KDM4B: variants seen among roughly 807,000 people sequenced by gnomAD.
The protein encoded by KDM4B is lysine-specific demethylase 4B.
A neutral mutation model predicts 125.2 loss-of-function variants in KDM4B; 32 were observed. That is an observed-to-expected ratio of 0.26 (90% CI 0.19 to 0.34). The LOEUF (loss-of-function observed/expected upper bound fraction) is 0.34, where lower values mean the gene tolerates loss of function less well. Ranked by LOEUF, KDM4B falls within the 10% of genes least tolerant of loss-of-function variation. KDM4B has a pLI of 1.00. For synonymous variants in KDM4B, 721 were observed against 677.9 expected (o/e 1.06, Z -0.99); for missense variants, 1,190 against 1,577.7 (o/e 0.75, Z 4.16).
chr19:5,032,806 G>A (rs576629803), intron 2 of KDM4B, 60 bp from the exon 3 acceptor site: 20 of 1,484,804 alleles, frequency 1.3e-5, no homozygotes, highest in Non-Finnish European at 1.8e-5. Flanking sequence ...AGGGAGGACG[G>A]GCTCCAAGGG....
intron 1 of KDM4B, among the ~76,000 whole-genome samples, chr19:4,973,582 G>A (rs568245817): frequency 6.6e-6 from 1 of 152,300 alleles, no homozygotes; most frequent in African/African-American, 2.4e-5. Flanking sequence ...ACTGAGGGGG[G>A]AGTGGATTGA....
At chr19:5,041,968 T>A (rs1279783318) in intron 5 of KDM4B, among the ~76,000 whole-genome samples, 1 of 152,210 alleles carries the variant, frequency 6.6e-6, no homozygotes, top group Non-Finnish European at 1.5e-5. Flanking sequence ...GGGCGCCGGT[T>A]TATGACACGG....
In KDM4B at chr19:5,098,820, A is replaced by T. The variant is rs2038877195; in HGVS notation, c.919-11802A>T. On this transcript the variant is annotated intron_variant, in intron 9 of 22. Transcript: ENST00000159111. The stretch of plus-strand genomic sequence containing the variant: ...AATCAGGAAGTCACCCTCACCAGAC[A>T]CCAGACCTGCCAGTGCCCTGATCTT... Among the ~76,000 whole-genome samples, 3 of 152,134 alleles carry T rather than the reference A, an allele frequency of 2.0e-5. No individual in the cohort carries two copies. The South Asian group carries it at 6.2e-4, about 32-fold the overall frequency.
At chr19:4,983,124 C>CTTT in intron 1 of KDM4B, among the ~76,000 whole-genome samples, 1 of 146,692 alleles carries the variant, frequency 6.8e-6, no homozygotes, top group African/African-American at 2.6e-5. Context: ...TTTCACACTG[C>CTTT]TTTTTCTTTT....
Position 5,081,008 on chromosome 19 carries a change from CTG to C in KDM4B, c.781-1358_781-1357del, listed in dbSNP as rs1325336282. The C allele has an allele frequency of 6.6e-6, 1 of 152,234 alleles. No individual in the cohort carries two copies. The highest frequency in any genetic ancestry group is 1.5e-5 in the Non-Finnish European group (1 of 68,052). 9.4% of individuals were successfully genotyped at this position (152,234 alleles called of 1,614,324 possible). A position where few individuals can be genotyped will look rare whatever the true frequency, so the allele number is the denominator to read the frequency against. On this transcript the variant is annotated intron_variant, in intron 8 of 22. Coordinates refer to ENST00000159111, the MANE Select transcript of KDM4B (RefSeq NM_015015.3). This position sits in a 1 kb window ranked among gnomAD's most constrained non-coding sequence, Gnocchi z 4.2. ...TAGGAGGGAACGAGGTCTGTGGTGA[CTG>C]AGAGCGCGTGCGTGGTTCGGTGGGG... is the stretch of plus-strand genomic sequence containing the variant.
At position 5,132,013 on chromosome 19, in the gene KDM4B, T is replaced by TG. The variant is rs1320033714; in HGVS notation, c.1906+12dup. ...GGAGGCCTCAAGTGACGAGGGTGAGTGGGGGGTCCCCAGGTCGGCTCTCAT... is the reference window on the plus strand; with the variant it reads ...GGAGGCCTCAAGTGACGAGGGTGAGTGGGGGGGTCCCCAGGTCGGCTCTCAT... On this transcript the variant is annotated splice_region_variant and intron_variant, in intron 13 of 22. Transcript: ENST00000159111. 3.1e-6 allele frequency: 5 copies of TG among 1,602,076 alleles called. No individual in the cohort carries two copies. Among genetic ancestry groups the TG allele is most frequent in the East Asian group, 4.5e-5 (2 of 44,582 alleles).
intron 10 of KDM4B, among the ~76,000 whole-genome samples, chr19:5,116,282 T>A (rs978042812): frequency 7.0e-6 from 1 of 143,650 alleles, no homozygotes; most frequent in Non-Finnish European, 1.5e-5. Flanking sequence ...AATAGGAGAC[T>A]CTGTTAGCAT....
chr19:5,135,386 C>G lies in KDM4B; in HGVS notation c.2133C>G (p.Gly711=), dbSNP rs2039630599. 6.2e-7 allele frequency: 1 copy of G among 1,613,422 alleles called. No individual in the cohort carries two copies. The highest frequency in any genetic ancestry group is 1.3e-5 in the African/African-American group (1 of 74,948). The stretch of plus-strand genomic sequence containing the variant: ...CACCCATAGCCTCCCTCGGAGAGGG[C>G]TGCCCGGCCACATTACCCTCCAAAA... ...KEAPIASLGE[G]CPATLPSKSR... Residue 711 remains glycine, a synonymous_variant, in exon 15 of 23, where the codon GGC becomes GGG. Coordinates refer to ENST00000159111, the MANE Select transcript of KDM4B (RefSeq NM_015015.3).
At chr19:5,134,468 C>G (rs537282077) in intron 14 of KDM4B, among the ~76,000 whole-genome samples, 1 of 152,312 alleles carries the variant, frequency 6.6e-6, no homozygotes, top group African/African-American at 2.4e-5. Flanking sequence ...GGGCACCTGG[C>G]TAAGGTCCTG....
In KDM4B at chr19:5,005,289, C is replaced by T. The variant is rs553311086; in HGVS notation, c.-108-10968C>T. Among the ~76,000 whole-genome samples, 3 of 152,312 alleles carry T rather than the reference C, an allele frequency of 2.0e-5. No homozygotes were observed. In the South Asian group the frequency reaches 6.2e-4, roughly 32 times the overall value. ...GGCAGCTGGCAAGAAGGGGCAGGTG[C>T]TTTTGAAAGATGTTACCAAACCGTC... On this transcript the variant is annotated intron_variant, in intron 1 of 22. Transcript: ENST00000159111.
intron 2 of KDM4B, among the ~76,000 whole-genome samples, chr19:5,024,405 C>T (rs939683082): frequency 6.6e-6 from 1 of 152,142 alleles, no homozygotes; most frequent in Non-Finnish European, 1.5e-5. Context: ...GGAGGGTATC[C>T]TTGGGCCCAG....
chr19:5,133,416 A>G (rs566036788), intron 13 of KDM4B, among the ~76,000 whole-genome samples: 1 of 152,246 alleles, frequency 6.6e-6, no homozygotes, highest in Non-Finnish European at 1.5e-5. Context: ...TAAGACAGGA[A>G]GGACAGTGTC....
At chr19:5,059,099 C>T (rs1164662721) in intron 6 of KDM4B, among the ~76,000 whole-genome samples, 1 of 152,190 alleles carries the variant, frequency 6.6e-6, no homozygotes, top group African/African-American at 2.4e-5. Flanking sequence ...ACCCAGTCTA[C>T]GTAGGCATTA....
intron 9 of KDM4B, among the ~76,000 whole-genome samples, chr19:5,098,516 G>A (rs536868881): frequency 1.3e-5 from 2 of 152,164 alleles, no homozygotes; most frequent in African/African-American, 4.8e-5. Flanking sequence ...TGTGGGGTTT[G>A]CTTGTGTTAC....
intron 18 of KDM4B, 72 bp downstream of exon 18, chr19:5,138,142 G>A: frequency 8.4e-7 from 1 of 1,190,670 alleles, no homozygotes; most frequent in Non-Finnish European, 1.2e-6. Flanking sequence ...CTCCCCACCT[G>A]CGCGATCTGA....
At chr19:5,005,068 G>A (rs547787786) in intron 1 of KDM4B, among the ~76,000 whole-genome samples, 2 of 152,280 alleles carry the variant, frequency 1.3e-5, no homozygotes, top group East Asian at 1.9e-4. Context: ...CCTGTCCTGC[G>A]GCCGTCACCT....
intron 11 of KDM4B, among the ~76,000 whole-genome samples, chr19:5,126,580 C>G (rs1192876563): frequency 2.0e-5 from 3 of 152,244 alleles, no homozygotes; most frequent in Non-Finnish European, 2.9e-5. Context: ...CCCCTCGCCC[C>G]GGAGTGCTGC....
At chr19:5,104,168 AG>A (rs1482565418) in intron 9 of KDM4B, among the ~76,000 whole-genome samples, 1 of 151,784 alleles carries the variant, frequency 6.6e-6, no homozygotes, top group Admixed American at 6.6e-5. Context: ...AGCTCGCTCC[AG>A]CTGGTGCCCC....
rs775411897 is a variant in KDM4B, at chr19:5,131,455, T to G, written c.1695T>G (p.Val565=). The G allele has an allele frequency of 6.2e-7, 1 of 1,601,002 alleles. No homozygotes were observed. Among genetic ancestry groups the G allele is most frequent in the Non-Finnish European group, 8.5e-7 (1 of 1,177,052 alleles). Residue 565 remains valine (V), a synonymous_variant, in exon 12 of 23, where the codon GTT becomes GTG. Coordinates refer to ENST00000159111, the MANE Select transcript of KDM4B (RefSeq NM_015015.3). The part of the protein sequence containing the change: ...AQKGPTWKEP[V]SPMELTGPED... ...AGGGTCCGACCTGGAAGGAACCAGT[T>G]TCCCCCATGGAGCTGACGGGGCCAG...
Sources: allele counts gnomAD v4.1 joint callset (sites outside exome capture counted in the v4.1 genomes callset), GRCh38; gene constraint gnomAD v4.1.1; non-coding constraint Gnocchi (gnomAD v3.1); transcripts MANE v1.5; gene names NCBI Gene and HGNC (gene_info 2026-07-23, HGNC 2026-07-21).